RXFP2: variants seen among roughly 807,000 people sequenced by gnomAD.
RXFP2 encodes the protein relaxin receptor 2.
Under a neutral mutation model 88.6 loss-of-function variants are expected in RXFP2, and 68 were observed. The ratio of observed to expected loss-of-function variants is 0.77; its 90% CI spans 0.63 to 0.94. The LOEUF is 0.94. Ranked by LOEUF, RXFP2 falls within the 40% of genes least tolerant of loss-of-function variation. The pLI is 0.00. For synonymous variants in RXFP2, 329 were observed against 306.8 expected (o/e 1.07, Z -0.76); for missense variants, 791 against 893.9 (o/e 0.88, Z 1.47).
chr13:31,778,306 T>G (rs1321539094), intron 8 of RXFP2, among the ~76,000 whole-genome samples: 1 of 152,208 alleles, frequency 6.6e-6, no homozygotes, highest in East Asian at 1.9e-4. Flanking sequence ...TGTATCATAC[T>G]TATGCATTCA....
At chr13:31,753,406 G>A (rs1256728916) in intron 1 of RXFP2, among the ~76,000 whole-genome samples, 1 of 152,114 alleles carries the variant, frequency 6.6e-6, no homozygotes, top group Non-Finnish European at 1.5e-5. Flanking sequence ...GAAGAAGGGT[G>A]ACTACTGAGC....
chr13:31,802,713 G>T lies in RXFP2; in HGVS notation c.*308G>T. On this transcript the variant is annotated 3_prime_UTR_variant, in exon 18 of 18. Transcript: ENST00000298386. ...CACAACCCACCAACAAATGACCACA[G>T]GTTGGCACTGTGTGGTCTTTCACAT... is the stretch of plus-strand genomic sequence containing the variant. 2.6e-6 allele frequency: 1 copy of T among 389,334 alleles called. No individual in the cohort carries two copies. Among genetic ancestry groups the T allele is most frequent in the South Asian group, 2.4e-5 (1 of 40,890 alleles). The allele number at this position is 389,334 out of a possible 1,614,324, so 24.1% of individuals were successfully genotyped here. A position where few individuals can be genotyped will look rare whatever the true frequency, so the allele number is the denominator to read the frequency against.
chr13:31,789,370 G>A (rs1350721192), intron 14 of RXFP2, among the ~76,000 whole-genome samples, 177 bp downstream of exon 14: 1 of 152,102 alleles, frequency 6.6e-6, no homozygotes, highest in African/African-American at 2.4e-5. Flanking sequence ...ATTATGATGT[G>A]CCGACATGAA....
intron 2 of RXFP2, 126 bp downstream of exon 2, chr13:31,758,530 G>C: frequency 5.4e-6 from 6 of 1,103,556 alleles, no homozygotes; most frequent in Non-Finnish European, 2.7e-6. Flanking sequence ...GATTTCCTTT[G>C]AAACACAAAT....
At chr13:31,764,134 TC>T (rs1420302141) in intron 3 of RXFP2, among the ~76,000 whole-genome samples, 11 of 152,166 alleles carry the variant, frequency 7.2e-5, no homozygotes, top group Admixed American at 2.6e-4. Context: ...CTTAGCTCTA[TC>T]AGTACAAATA....
At chr13:31,774,472 C>G (rs1299176493) in intron 5 of RXFP2, 148 bp from the exon 6 acceptor site, 2 of 673,380 alleles carry the variant, frequency 3.0e-6, no homozygotes, top group Non-Finnish European at 5.5e-6. Context: ...AGCCATTTCT[C>G]ACTGACAACA....
chr13:31,793,059 G>A lies in RXFP2; in HGVS notation c.1757G>A (p.Ser586Asn), dbSNP rs1420008533. The A allele has an allele frequency of 1.9e-6, 3 of 1,612,930 alleles. No individual in the cohort carries two copies. The East Asian group carries it at 6.7e-5, about 36-fold the overall frequency. The change falls in exon 16 of 18, where the codon AGC becomes AAC. Residue 586 changes from serine to asparagine, a missense_variant. Coordinates refer to ENST00000298386, the MANE Select transcript of RXFP2 (RefSeq NM_130806.5). ...TATGACCAAACAGAAGATATTGGAA[G>A]CAAAGGGTATTCTCTTGGAATTTTC... ...LYYDQTEDIG[S>N]KGYSLGIFLG...
chr13:31,778,449 A>G (rs1593462844), intron 8 of RXFP2, 63 bp from the exon 9 acceptor site: 3 of 1,148,986 alleles, frequency 2.6e-6, no homozygotes, highest in African/African-American at 3.1e-5. Context: ...TTAAAATAAT[A>G]AAAAGACTGT....
At chr13:31,786,528 A>G (rs1593467297) in intron 12 of RXFP2, 38 bp from the exon 13 acceptor site, 1 of 1,536,562 alleles carries the variant, frequency 6.5e-7, no homozygotes, top group Non-Finnish European at 9.0e-7. Context: ...ATACCTTCAA[A>G]CTTCTTTTCC....
chr13:31,791,907 A>G lies in RXFP2; in HGVS notation c.1247A>G (p.Asn416Ser). The G allele has an allele frequency of 6.2e-7, 1 of 1,614,130 alleles. No individual in the cohort carries two copies. The highest frequency in any genetic ancestry group is 8.5e-7 in the Non-Finnish European group (1 of 1,179,998). The change falls in exon 15 of 18, where the codon AAT becomes AGT. Residue 416 changes from asparagine to serine, a missense_variant. Transcript: ENST00000298386. ...ISSFEDLLAN[N>S]ILRIFVWVIA... ...TCATTTGAGGACCTCTTGGCTAACA[A>G]TATCCTCAGAATATTTGTCTGGGTT...
intron 9 of RXFP2, among the ~76,000 whole-genome samples, chr13:31,778,892 T>C (rs1873125841): frequency 6.6e-6 from 1 of 152,184 alleles, no homozygotes; most frequent in Admixed American, 6.5e-5. Flanking sequence ...TATTGTTCCT[T>C]GGACTTAAAA....
At chr13:31,751,641 G>T (rs1871679170) in intron 1 of RXFP2, among the ~76,000 whole-genome samples, 1 of 152,220 alleles carries the variant, frequency 6.6e-6, no homozygotes, top group African/African-American at 2.4e-5. Context: ...AGGAAGAACA[G>T]CCAGTGAAAG....
intron 16 of RXFP2, 76 bp downstream of exon 16, chr13:31,793,164 T>C (rs1873877552): frequency 7.5e-7 from 1 of 1,336,064 alleles, no homozygotes; most frequent in Non-Finnish European, 1.1e-6. Context: ...AAGGTGGATT[T>C]GTTTGTTTCA....
At chr13:31,773,665 T>C (rs909950622) in intron 5 of RXFP2, among the ~76,000 whole-genome samples, 1 of 152,114 alleles carries the variant, frequency 6.6e-6, no homozygotes, top group Non-Finnish European at 1.5e-5. Context: ...AAGACAATCG[T>C]GACTCAGAGG....
chr13:31,765,822 G>C lies in RXFP2; in HGVS notation c.426-134G>C, dbSNP rs912601226. 7 of 621,184 alleles carry C rather than the reference G, an allele frequency of 1.1e-5. No individual in the cohort carries two copies. The African/African-American group carries it at 1.3e-4, about 12-fold the overall frequency. 38.5% of individuals were successfully genotyped at this position (621,184 alleles called of 1,614,324 possible). A position where few individuals can be genotyped will look rare whatever the true frequency, so the allele number is the denominator to read the frequency against. ...TTCATTCTCCCATGAAAAATTTTTAGTTATTGTCATGTTCAAATATGGATT... is the reference window on the plus strand; with the variant it reads ...TTCATTCTCCCATGAAAAATTTTTACTTATTGTCATGTTCAAATATGGATT... On this transcript the variant is annotated intron_variant, in intron 4 of 17. Coordinates refer to ENST00000298386, the MANE Select transcript of RXFP2 (RefSeq NM_130806.5).
intron 5 of RXFP2, among the ~76,000 whole-genome samples, chr13:31,771,792 A>AT (rs1745047531): frequency 3.4e-5 from 1 of 29,570 alleles, no homozygotes; most frequent in Non-Finnish European, 9.4e-5. Context: ...ACTCTGTCTT[A>AT]AAAAAAAAAA....
intron 2 of RXFP2, 122 bp downstream of exon 2, chr13:31,758,526 C>A: frequency 6.7e-5 from 74 of 1,108,596 alleles, no homozygotes; most frequent in Non-Finnish European, 8.9e-5. Context: ...TAGGGATTTC[C>A]TTTGAAACAC....
At chr13:31,798,014 A>G (rs1874137681) in intron 17 of RXFP2, among the ~76,000 whole-genome samples, 2 of 152,334 alleles carry the variant, frequency 1.3e-5, no homozygotes, top group Admixed American at 1.3e-4. Flanking sequence ...ACAGCTATTT[A>G]GGGGCCACCA....
In RXFP2 at chr13:31,778,533, A is replaced by T; in HGVS notation, c.735A>T (p.Leu245Phe). ...AAAGGTCTATGGTTAATAACTACTT[A>T]GAAGCTCTTCCCAAGCAGATGTGTG... Reference protein sequence around the residue: ...LFFLSMVNNYLEALPKQMCAQ... With the variant: ...LFFLSMVNNYFEALPKQMCAQ... The change falls in exon 9 of 18, where the codon TTA becomes TTT. Residue 245 changes from leucine to phenylalanine, a missense_variant. By Grantham distance (22) the Leu-to-Phe change is conservative. Transcript: ENST00000298386. 1 of 1,610,394 alleles carries T rather than the reference A, an allele frequency of 6.2e-7. No individual in the cohort carries two copies. The highest frequency in any genetic ancestry group is 8.5e-7 in the Non-Finnish European group (1 of 1,176,758).
Sources: allele counts gnomAD v4.1 joint callset (sites outside exome capture counted in the v4.1 genomes callset), GRCh38; gene constraint gnomAD v4.1.1; transcripts MANE v1.5; gene names NCBI Gene and HGNC (gene_info 2026-07-23, HGNC 2026-07-21).